LARP4: variants seen among roughly 807,000 people sequenced by gnomAD.
LARP4 encodes La ribonucleoprotein 4, also known as la-related protein 4.
In LARP4, 29 loss-of-function variants were observed where a neutral mutation model predicts 92.9. The ratio of observed to expected loss-of-function variants is 0.31; its 90% CI spans 0.23 to 0.43. The LOEUF (loss-of-function observed/expected upper bound fraction) is 0.43, where lower values mean the gene tolerates loss of function less well. LARP4 is among the 20% of genes least tolerant of loss of function. The probability of loss-of-function intolerance (pLI) is 1.00; values close to 1 mark genes in which losing one functional copy is unlikely to be tolerated. For missense variants in LARP4, 732 were observed against 860.0 expected (o/e 0.85, Z 1.86); for synonymous variants, 279 against 284.1 (o/e 0.98, Z 0.18).
chr12:50,423,310 A>G (rs546583338), intron 1 of LARP4, among the ~76,000 whole-genome samples: 3 of 152,210 alleles, frequency 2.0e-5, no homozygotes, highest in African/African-American at 4.8e-5. Flanking sequence ...CTAATTTTCT[A>G]TGACATAATA....
At chr12:50,417,930 G>A (rs7489251) in intron 1 of LARP4, among the ~76,000 whole-genome samples, 17,588 of 152,118 alleles carry the variant, frequency 0.12, 1,895 homozygotes, top group African/African-American at 0.28. Context: ...GCGCGATCTT[G>A]GTTCACTGCA....
chr12:50,452,992 C>T, intron 8 of LARP4, among the ~76,000 whole-genome samples: 1 of 151,956 alleles, frequency 6.6e-6, no homozygotes. Context: ...TCACAGCAGC[C>T]TCCAGCTCCT....
Position 50,474,110 on chromosome 12 carries a change from A to G in LARP4, c.1779A>G (p.Ala593=). The G allele has an allele frequency of 6.2e-7, 1 of 1,613,600 alleles. No individual in the cohort carries two copies. The highest frequency in any genetic ancestry group is 8.5e-7 in the Non-Finnish European group (1 of 1,179,856). Residue 593 remains alanine (A), a synonymous_variant, in exon 15 of 16, where the codon GCA becomes GCG. Coordinates refer to ENST00000398473, the MANE Select transcript of LARP4 (RefSeq NM_052879.5). ...CAAGTACTACAAAGCCATCGAGGGCAAGTACTGCTTCACCATGTAATAATA... is the reference window on the plus strand; with the variant it reads ...CAAGTACTACAAAGCCATCGAGGGCGAGTACTGCTTCACCATGTAATAATA... The part of the protein sequence containing the change: ...SPPSTTKPSR[A]STASPCNNNI...
intron 8 of LARP4, among the ~76,000 whole-genome samples, chr12:50,449,923 A>ATTTTTTT (rs60763691): frequency 1.3e-4 from 6 of 47,044 alleles, no homozygotes; most frequent in East Asian, 8.4e-4. Flanking sequence ...AGCCATAGCA[A>ATTTTTTT]TTTTTTTTTT....
intron 1 of LARP4, among the ~76,000 whole-genome samples, chr12:50,423,428 C>T (rs1442110428): frequency 6.6e-6 from 1 of 152,086 alleles, no homozygotes; most frequent in African/African-American, 2.4e-5. Context: ...TCAAAACTGA[C>T]ATGCTTTATA....
chr12:50,434,369 A>G (rs2137316328), intron 4 of LARP4, among the ~76,000 whole-genome samples: 1 of 151,356 alleles, frequency 6.6e-6, no homozygotes, highest in African/African-American at 2.4e-5. Flanking sequence ...TGTACCTTAA[A>G]GAATCTTTTG....
intron 4 of LARP4, among the ~76,000 whole-genome samples, chr12:50,432,873 A>AAAG (rs1555149817): frequency 6.6e-6 from 1 of 151,298 alleles, no homozygotes; most frequent in South Asian, 2.1e-4. Context: ...AAAAAAAAAA[A>AAAG]AAAAGAAAAG....
intron 8 of LARP4, among the ~76,000 whole-genome samples, chr12:50,450,617 A>C (rs914180021): frequency 6.6e-6 from 1 of 151,354 alleles, no homozygotes; most frequent in Non-Finnish European, 1.5e-5. Flanking sequence ...TCCTGCTTCA[A>C]CCTCCCGAGT....
In LARP4 at chr12:50,475,766, A is replaced by G; in HGVS notation, c.2077A>G (p.Arg693Gly). ...IIPRGAAGKI[R>G]EQRRQFSHRA... ...CCCCAGGGGAGCAGCAGGAAAAATC[A>G]GGGAACAGAGACGCCAGTTTAGCCA... The change falls in exon 16 of 16, where the codon AGG becomes GGG. Residue 693 changes from arginine (R) to glycine (G), a missense_variant. Around this residue, in one of 7 missense-constraint regions of LARP4, gnomAD observed 115 missense variants for 129.1 expected, o/e 0.89. Coordinates refer to ENST00000398473, the MANE Select transcript of LARP4 (RefSeq NM_052879.5). 1 of 1,614,218 alleles carries G rather than the reference A, an allele frequency of 6.2e-7. No individual in the cohort carries two copies.
At chr12:50,472,294 CTAAAACT>C (rs1234463858) in intron 13 of LARP4, among the ~76,000 whole-genome samples, 1 of 152,208 alleles carries the variant, frequency 6.6e-6, no homozygotes, top group Admixed American at 6.5e-5. Context: ...TCTTTCAAGA[CTAAAACT>C]CTATACCTAT....
At chr12:50,435,817 CA>C (rs549376051) in intron 5 of LARP4, among the ~76,000 whole-genome samples, 193 bp downstream of exon 5, 14 of 151,580 alleles carry the variant, frequency 9.2e-5, no homozygotes, top group African/African-American at 3.1e-4. Flanking sequence ...CTCTGTCACT[CA>C]AGCGGGAGTG....
intron 1 of LARP4, among the ~76,000 whole-genome samples, chr12:50,413,097 C>T (rs1565944944): frequency 6.6e-6 from 1 of 151,922 alleles, no homozygotes; most frequent in Non-Finnish European, 1.5e-5. Flanking sequence ...GTGGTGGGCG[C>T]CTGTGATCCC....
Position 50,418,085 on chromosome 12 carries a change from T to A in LARP4, c.19-9677T>A, listed in dbSNP as rs546781926. On this transcript the variant is annotated intron_variant, in intron 1 of 15. Transcript: ENST00000398473. ...CACATTGGCCAGGCTGGTCTTGAAC[T>A]CCTGATCTCAGGTGATCCACCCGCC... Among the ~76,000 whole-genome samples the A allele has an allele frequency of 3.3e-5, 5 of 152,338 alleles. No homozygotes were observed. The South Asian group carries it at 1.0e-3, about 32-fold the overall frequency.
intron 12 of LARP4, among the ~76,000 whole-genome samples, chr12:50,463,868 G>A (rs950761909): frequency 6.6e-6 from 1 of 152,146 alleles, no homozygotes; most frequent in Non-Finnish European, 1.5e-5. Context: ...CACTGCCCTA[G>A]TAGAAGTTTT....
chr12:50,465,754 A>G (rs1956070028), intron 12 of LARP4, among the ~76,000 whole-genome samples: 2 of 152,326 alleles, frequency 1.3e-5, no homozygotes, highest in South Asian at 4.1e-4. Context: ...GTTGTAGGCA[A>G]AGGCCTAGGC....
chr12:50,445,167 G>T (rs558786249), intron 8 of LARP4, among the ~76,000 whole-genome samples: 1 of 152,134 alleles, frequency 6.6e-6, no homozygotes, highest in Non-Finnish European at 1.5e-5. Context: ...GCCTCCCAAA[G>T]TGTTGGGACT....
intron 4 of LARP4, among the ~76,000 whole-genome samples, chr12:50,433,821 G>T (rs1451300665): frequency 6.6e-6 from 1 of 152,038 alleles, no homozygotes; most frequent in Non-Finnish European, 1.5e-5. Flanking sequence ...TGTGTTTTTA[G>T]TAGAGACGAG....
chr12:50,469,932 AT>A (rs1956718484), intron 13 of LARP4, among the ~76,000 whole-genome samples: 2 of 63,260 alleles, frequency 3.2e-5, no homozygotes, highest in Non-Finnish European at 2.2e-4. Context: ...AAGAAAAAAA[AT>A]AAATAGGCAG....
At chr12:50,430,990 G>A (rs1462710953) in intron 4 of LARP4, among the ~76,000 whole-genome samples, 2 of 151,966 alleles carry the variant, frequency 1.3e-5, no homozygotes, top group African/African-American at 2.4e-5. Context: ...GTGTAGGGTC[G>A]GGCGCTGTGG....
Sources: allele counts gnomAD v4.1 joint callset (sites outside exome capture counted in the v4.1 genomes callset), GRCh38; gene constraint gnomAD v4.1.1; regional missense constraint gnomAD v4.1.1; transcripts MANE v1.5; gene names NCBI Gene and HGNC (gene_info 2026-07-23, HGNC 2026-07-21).